Variants in CABIN1 observed in about 807,000 individuals in gnomAD.
CABIN1 encodes calcineurin-binding protein cabin-1.
A neutral mutation model predicts 227.7 loss-of-function variants in CABIN1; 133 were observed. The ratio of observed to expected loss-of-function variants is 0.58; its 90% CI spans 0.51 to 0.67. The LOEUF (loss-of-function observed/expected upper bound fraction) is 0.67. Among genes scored for constraint, CABIN1 ranks in the 30% least tolerant of loss-of-function variants. CABIN1 has a pLI of 0.00. For synonymous variants in CABIN1, 1,086 were observed against 1,155.1 expected (o/e 0.94, Z 1.21); for missense variants, 2,408 against 2,852.5 (o/e 0.84, Z 3.55).
chr22:24,018,905 T>C (rs1182329775), intron 1 of CABIN1, among the ~76,000 whole-genome samples: 2 of 152,132 alleles, frequency 1.3e-5, no homozygotes, highest in African/African-American at 4.8e-5. Flanking sequence ...GGGGATGTCA[T>C]TTCATTTGTT....
intron 18 of CABIN1, among the ~76,000 whole-genome samples, chr22:24,075,507 T>G (rs2146849749): frequency 6.6e-6 from 1 of 152,258 alleles, no homozygotes; most frequent in Admixed American, 6.5e-5. Flanking sequence ...GCCTGTAGTC[T>G]CAACACTTTG....
At chr22:24,060,930 A>G (rs2039145192) in intron 12 of CABIN1, among the ~76,000 whole-genome samples, 1 of 152,046 alleles carries the variant, frequency 6.6e-6, no homozygotes, top group Non-Finnish European at 1.5e-5. Context: ...TGTTTTGTAG[A>G]GATGGGGGTC....
intron 25 of CABIN1, 43 bp from the exon 26 acceptor site, chr22:24,097,971 A>G (rs745874510): frequency 6.2e-7 from 1 of 1,612,882 alleles, no homozygotes; most frequent in Non-Finnish European, 8.5e-7. Flanking sequence ...TTTCAATGTG[A>G]GGTGGAGACT....
intron 35 of CABIN1, 83 bp downstream of exon 35, chr22:24,176,358 G>A: frequency 6.9e-7 from 1 of 1,445,688 alleles, no homozygotes; most frequent in East Asian, 2.5e-5. Flanking sequence ...TCCCGGCCTG[G>A]CCTTGAAGGG....
chr22:24,077,895 A>G (rs1278655640), intron 19 of CABIN1, among the ~76,000 whole-genome samples: 1 of 152,142 alleles, frequency 6.6e-6, no homozygotes, highest in Non-Finnish European at 1.5e-5. Context: ...TTTCTACTGG[A>G]GCATGAATTC....
intron 29 of CABIN1, chr22:24,156,029 G>A: frequency 3.5e-6 from 2 of 572,510 alleles, no homozygotes; most frequent in Non-Finnish European, 3.1e-6. Flanking sequence ...GCCATGGCCC[G>A]GCGCTCGCCC....
At chr22:24,155,720 G>A in intron 29 of CABIN1, 2 of 310,796 alleles carry the variant, frequency 6.4e-6, no homozygotes, top group Non-Finnish European at 1.2e-5. Context: ...CGCCTGCAGA[G>A]GGGGGATATA....
chr22:24,079,871 T>C (rs1318991963), intron 19 of CABIN1, among the ~76,000 whole-genome samples: 5 of 152,202 alleles, frequency 3.3e-5, no homozygotes, highest in Non-Finnish European at 7.3e-5. Context: ...CTTAGTTCTA[T>C]TTCTATTTCT....
rs959388199 is a variant in CABIN1, at chr22:24,170,757, C to CA, written c.5758-956_5758-955insA. ...GTCATCGGTGGTAGCAAACTGCCCC[C>CA]CCCCCCGCCCCCATGCACTGAGGTA... On this transcript the variant is annotated intron_variant, in intron 33 of 36. Transcript: ENST00000263119. Among the ~76,000 whole-genome samples the CA allele has an allele frequency of 7.3e-4, 108 of 148,240 alleles. 4 individuals are homozygous for CA. Among genetic ancestry groups the CA allele is most frequent in the African/African-American group, 2.7e-3 (106 of 39,732 alleles).
chr22:24,078,047 C>T (rs1458424078), intron 19 of CABIN1, among the ~76,000 whole-genome samples: 1 of 152,174 alleles, frequency 6.6e-6, no homozygotes, highest in Non-Finnish European at 1.5e-5. Context: ...TCCTGACCAC[C>T]CTGTGCCTTC....
intron 1 of CABIN1, among the ~76,000 whole-genome samples, chr22:24,029,220 G>A (rs1053095820): frequency 6.6e-6 from 1 of 152,126 alleles, no homozygotes; most frequent in Non-Finnish European, 1.5e-5. Context: ...CAGACGTGGT[G>A]GAGCATGCCT....
Position 24,150,790 on chromosome 22 carries a change from C to G in CABIN1, c.4747-13610C>G, listed in dbSNP as rs1226226672. ...TAGACCTAGGCTAAATTCTGCTATTCTCCAGTGGGAGCATCTTGTCAGTGT... is the reference window on the plus strand; with the variant it reads ...TAGACCTAGGCTAAATTCTGCTATTGTCCAGTGGGAGCATCTTGTCAGTGT... On this transcript the variant is annotated intron_variant, in intron 29 of 36. Coordinates refer to ENST00000263119, the MANE Select transcript of CABIN1 (RefSeq NM_012295.4). Among the ~76,000 whole-genome samples the G allele has an allele frequency of 2.6e-5, 4 of 152,336 alleles. No individual in the cohort carries two copies. In the East Asian group the frequency reaches 7.7e-4, roughly 29 times the overall value.
chr22:24,057,280 C>A (rs957653973), intron 10 of CABIN1, among the ~76,000 whole-genome samples: 2 of 152,190 alleles, frequency 1.3e-5, no homozygotes, highest in African/African-American at 4.8e-5. Flanking sequence ...CCTTCAGAGG[C>A]TTTAGGATCC....
chr22:24,113,401 C>T (rs1249372917), intron 26 of CABIN1, among the ~76,000 whole-genome samples, 165 bp from the exon 27 acceptor site: 1 of 152,204 alleles, frequency 6.6e-6, no homozygotes, highest in Non-Finnish European at 1.5e-5. Flanking sequence ...GCTCCGTGGC[C>T]TCTGGGATGG....
intron 29 of CABIN1, among the ~76,000 whole-genome samples, chr22:24,137,722 A>G (rs1034734296): frequency 6.6e-6 from 1 of 152,232 alleles, no homozygotes; most frequent in Non-Finnish European, 1.5e-5. Context: ...CAGTATGTCA[A>G]GAAATGCTGG....
chr22:24,029,779 G>A (rs555591223), intron 1 of CABIN1, among the ~76,000 whole-genome samples: 2 of 152,280 alleles, frequency 1.3e-5, no homozygotes, highest in South Asian at 2.1e-4. Flanking sequence ...GAGTCTATAT[G>A]AGAATCATTT....
intron 24 of CABIN1, among the ~76,000 whole-genome samples, chr22:24,093,572 A>T (rs1294664786): frequency 2.0e-5 from 3 of 150,796 alleles, no homozygotes; most frequent in Non-Finnish European, 3.0e-5. Flanking sequence ...AAACTCATTT[A>T]AAAAAAAATG....
intron 1 of CABIN1, among the ~76,000 whole-genome samples, chr22:24,030,823 A>G (rs1291475669): frequency 6.6e-6 from 1 of 151,772 alleles, no homozygotes; most frequent in Non-Finnish European, 1.5e-5. Context: ...CAACTTGCCT[A>G]GTTATTTAGT....
rs757683878 is a variant in CABIN1 at position 24,171,798 on chromosome 22, CT to C, written c.5844del (p.Asp1949ThrfsTer22). On this transcript the variant is annotated frameshift_variant, in exon 34 of 37. Coordinates refer to ENST00000263119, the MANE Select transcript of CABIN1 (RefSeq NM_012295.4). LOFTEE classifies it high-confidence loss of function. ...CCTGTGACAGTGGTGCCCACAGCCC[CT>C]GACCCTGTGCCAGCTGACTCTGTCC... ...FFPVTVVPTA[P>X]DPVPADSVQR... is the part of the protein sequence containing the mutation. 1 of 1,614,206 alleles carries C rather than the reference CT, an allele frequency of 6.2e-7. No individual in the cohort carries two copies. Among genetic ancestry groups the C allele is most frequent in the South Asian group, 1.1e-5 (1 of 91,092 alleles).
Sources: gnomAD v4.1 joint callset for allele counts (sites outside exome capture counted in the v4.1 genomes callset) on GRCh38, gnomAD v4.1.1 for gene constraint, MANE v1.5 for transcripts, NCBI Gene and HGNC (gene_info 2026-07-23, HGNC 2026-07-21) for gene names.